MYOM2: variants seen among roughly 807,000 people sequenced by gnomAD.
MYOM2 encodes myomesin-2.
A neutral mutation model predicts 187.6 loss-of-function variants in MYOM2; 254 were observed. That is an observed-to-expected ratio of 1.35 (90% CI 1.22 to 1.50). MYOM2 has a LOEUF of 1.50. Ranked by LOEUF, MYOM2 falls within the 40% of genes most tolerant of loss-of-function variation. The pLI is 0.00. For synonymous variants in MYOM2, 981 were observed against 753.8 expected, an observed-to-expected ratio of 1.30 and a Z score of -4.94; for missense variants, 2,796 against 1,924.0, an observed-to-expected ratio of 1.45 and a Z score of -8.48.
At chr8:2,086,109 TGTGATCTCTTTGTGGCCCCCCACTGTC>T (rs1796022479) in intron 14 of MYOM2, among the ~76,000 whole-genome samples, 19 of 1,066 alleles carry the variant, frequency 0.018, 4 homozygotes, top group Non-Finnish European at 0.024. Context: ...CCCCCACTGT[TGTGATCTCTTTGTGGCCCCCCACTGTC>T]GTGATCTCTG....
chr8:2,100,109 TTTCTTTCCTTCCTTCCTTCTTTCC>T (rs1563055082), intron 19 of MYOM2, among the ~76,000 whole-genome samples: 2,353 of 64,036 alleles, frequency 0.037, 46 homozygotes, highest in East Asian at 0.085. Flanking sequence ...TCCTTCCTTC[TTTCTTTCCTTCCTTCCTTCTTTCC>T]TTCCTTCCTT....
intron 1 of MYOM2, among the ~76,000 whole-genome samples, chr8:2,049,813 T>C (rs561444960): frequency 8.9e-4 from 135 of 152,308 alleles, no homozygotes; most frequent in Middle Eastern, 3.4e-3. Context: ...TGGGTGAACA[T>C]GTACAGCAGA....
Position 2,100,787 on chromosome 8 carries a change from A to G in MYOM2, c.2441-89A>G, listed in dbSNP as rs1401232339. The G allele has an allele frequency of 6.2e-5, 81 of 1,306,974 alleles. No homozygotes were observed. In the East Asian group the frequency reaches 1.9e-3, roughly 31 times the overall value. 81.0% of individuals were successfully genotyped at this position (1,306,974 alleles called of 1,614,324 possible). On this transcript the variant is annotated intron_variant, in intron 19 of 36. Coordinates refer to ENST00000262113, the MANE Select transcript of MYOM2 (RefSeq NM_003970.4). ...ATGGTCCTGGTGGGGGGCTTCCCAG[A>G]GGAGCAGTGGGTCCCCGGGGCTGGG...
At chr8:2,106,909 C>A (rs934043130) in intron 23 of MYOM2, among the ~76,000 whole-genome samples, 4 of 152,082 alleles carry the variant, frequency 2.6e-5, no homozygotes. Flanking sequence ...ACTAAGAAAT[C>A]CATGAAATTA....
intron 10 of MYOM2, among the ~76,000 whole-genome samples, chr8:2,074,798 C>T (rs1819360016): frequency 6.6e-6 from 1 of 152,196 alleles, no homozygotes; most frequent in Admixed American, 6.5e-5. Flanking sequence ...TCCCCTCCTG[C>T]TTCTGCCCTG....
intron 6 of MYOM2, among the ~76,000 whole-genome samples, chr8:2,060,557 T>C (rs1015082039): frequency 6.6e-6 from 1 of 152,130 alleles, no homozygotes; most frequent in Admixed American, 6.6e-5. Flanking sequence ...TACGATTTTA[T>C]TGATTTTATT....
chr8:2,118,876 C>G (rs554491083), intron 28 of MYOM2: 1 of 152,092 alleles, frequency 6.6e-6, no homozygotes, highest in Admixed American at 6.6e-5. Flanking sequence ...GAGATGGTAA[C>G]TCCAGCAGGG....
chr8:2,116,232 G>A lies in MYOM2; in HGVS notation c.3342G>A (p.Leu1114=). Residue 1114 remains leucine (L), a synonymous_variant, in exon 27 of 37, where the codon CTG becomes CTA. Transcript: ENST00000262113. The stretch of plus-strand genomic sequence containing the variant: ...TGAATTTAGCATTCAAGACTGTGCT[G>A]GAAGAGGCTGAGTTTCAAAGGAAAG... ...VLIGDAFKTV[L]EEAEFQRKEF... is the part of the protein sequence containing the mutation. 1.9e-6 allele frequency: 3 copies of A among 1,611,882 alleles called. No homozygotes were observed. The highest frequency in any genetic ancestry group is 2.5e-6 in the Non-Finnish European group (3 of 1,178,866).
At position 2,141,196 on chromosome 8, in the gene MYOM2, G is replaced by GTTA; in HGVS notation, c.4001+20_4001+22dup. ...AATTCAAGTAAGATTTGTGTATTTA[G>GTTA]TTACTATGATATCCTGTGGGCAGTT... On this transcript the variant is annotated intron_variant, in intron 34 of 36. Transcript: ENST00000262113. 6.2e-7 allele frequency: 1 copy of GTTA among 1,610,636 alleles called. No individual in the cohort carries two copies. The highest frequency in any genetic ancestry group is 8.5e-7 in the Non-Finnish European group (1 of 1,177,446).
intron 19 of MYOM2, among the ~76,000 whole-genome samples, chr8:2,099,336 G>A (rs918001332): frequency 6.6e-6 from 1 of 152,198 alleles, no homozygotes; most frequent in African/African-American, 2.4e-5. Flanking sequence ...CCCCAAAGGA[G>A]CAGGCAGAGA....
At position 2,116,109 on chromosome 8, in the gene MYOM2, G is replaced by T. The variant is rs749827058; in HGVS notation, c.3325+5G>T. On this transcript the variant is annotated splice_donor_5th_base_variant and intron_variant, in intron 26 of 36. Coordinates refer to ENST00000262113, the MANE Select transcript of MYOM2 (RefSeq NM_003970.4). ...CTCTAGTTCTTATTGGAGATGGTAT[G>T]CTATATCGAATATTTCCACGTCCAT... 3.2e-6 allele frequency: 5 copies of T among 1,574,854 alleles called. No homozygotes were observed. In the Admixed American group the frequency reaches 9.1e-5, roughly 29 times the overall value.
In MYOM2 at chr8:2,066,349, G is replaced by T. The variant is rs566049016; in HGVS notation, c.654-2929G>T. ...TCCGATCAAGCAGATTTTACAGACC[G>T]CCTTGCTCACTTCCATATACTCTGG... is the stretch of plus-strand genomic sequence containing the variant. On this transcript the variant is annotated intron_variant, in intron 6 of 36. Coordinates refer to ENST00000262113, the MANE Select transcript of MYOM2 (RefSeq NM_003970.4). Among the ~76,000 whole-genome samples the T allele has an allele frequency of 5.3e-5, 8 of 152,318 alleles. No homozygotes were observed. The East Asian group carries it at 1.5e-3, about 29-fold the overall frequency.
chr8:2,107,148 GCA>G lies in MYOM2; in HGVS notation c.2998+556_2998+557del, dbSNP rs1310426944. Among the ~76,000 whole-genome samples the G allele has an allele frequency of 7.2e-5, 11 of 152,218 alleles. No individual in the cohort carries two copies. The East Asian group carries it at 1.9e-3, about 27-fold the overall frequency. On this transcript the variant is annotated intron_variant, in intron 23 of 36. Coordinates refer to ENST00000262113, the MANE Select transcript of MYOM2 (RefSeq NM_003970.4). ...AGGTTCACAGGTCTGAGTTCACCAG[GCA>G]CACAGTCTCATGCAGGCAGGGCTGA...
intron 6 of MYOM2, among the ~76,000 whole-genome samples, chr8:2,065,259 G>A (rs1818977918): frequency 6.6e-6 from 1 of 152,144 alleles, no homozygotes; most frequent in South Asian, 2.1e-4. Context: ...ATTTGAGGCT[G>A]GCAGCTGCAG....
chr8:2,060,288 T>C (rs533112678), intron 6 of MYOM2, among the ~76,000 whole-genome samples: 7 of 152,254 alleles, frequency 4.6e-5, no homozygotes, highest in African/African-American at 1.7e-4. Context: ...CCATGTGACT[T>C]TGAATAAGCC....
rs963370207 is a variant in MYOM2 at position 2,134,625 on chromosome 8, C to T, written c.3800+5393C>T. Among the ~76,000 whole-genome samples, 3 of 152,140 alleles carry T rather than the reference C, an allele frequency of 2.0e-5. No individual in the cohort carries two copies. In the South Asian group the frequency reaches 6.2e-4, roughly 32 times the overall value. On this transcript the variant is annotated intron_variant, in intron 32 of 36. Transcript: ENST00000262113. The stretch of plus-strand genomic sequence containing the variant: ...TTGTTCTGCTGGGAGGCGCTGGCCT[C>T]TCCTCTGTGCATCTCCTCATTCAGC...
chr8:2,066,200 A>G (rs1819014306), intron 6 of MYOM2, among the ~76,000 whole-genome samples: 1 of 152,164 alleles, frequency 6.6e-6, no homozygotes, highest in African/African-American at 2.4e-5. Context: ...GGTCACGTGC[A>G]GCGGTTCCTG....
At chr8:2,101,919 T>C (rs1421043970) in intron 20 of MYOM2, 2 of 152,382 alleles carry the variant, frequency 1.3e-5, no homozygotes, top group African/African-American at 4.8e-5. Flanking sequence ...GGTTCCTCAG[T>C]GACTGGGTCA....
intron 32 of MYOM2, among the ~76,000 whole-genome samples, chr8:2,131,676 C>G (rs1797875045): frequency 7.2e-6 from 1 of 139,402 alleles, no homozygotes; most frequent in Non-Finnish European, 1.5e-5. Context: ...CAGAATCTCA[C>G]TCTGTCACCC....
Sources: gnomAD v4.1 joint callset for allele counts (sites outside exome capture counted in the v4.1 genomes callset) on GRCh38, gnomAD v4.1.1 for gene constraint, MANE v1.5 for transcripts, NCBI Gene and HGNC (gene_info 2026-07-23, HGNC 2026-07-21) for gene names.